Variants in CFAP47 observed in about 807,000 individuals in gnomAD.
The protein encoded by CFAP47 is cilia- and flagella-associated protein 47.
CFAP47 carries 29 observed loss-of-function variants against 148.1 expected under a neutral mutation model. The ratio of observed to expected loss-of-function variants is 0.20; its 90% CI spans 0.15 to 0.27. The LOEUF is 0.27. Ranked by LOEUF, CFAP47 falls within the 10% of genes least tolerant of loss-of-function variation. The pLI is 1.00. For missense variants in CFAP47, 1,872 were observed against 1,697.5 expected (o/e 1.10, Z -1.81); for synonymous variants, 664 against 577.3 (o/e 1.15, Z -2.15).
chrX:36,227,982 C>T (rs782549678), intron 45 of CFAP47, among the ~76,000 whole-genome samples: 2 of 111,632 alleles, frequency 1.8e-5, no homozygotes, highest in South Asian at 3.7e-4. Flanking sequence ...TAGCTAGTAG[C>T]TTAAGGTAAA....
chrX:36,140,046 A>G (rs1939113312), intron 35 of CFAP47, among the ~76,000 whole-genome samples: 1 of 111,639 alleles, frequency 9.0e-6, no homozygotes, highest in Middle Eastern at 4.2e-3. Flanking sequence ...ATTCCCATAA[A>G]TTCAACAAAT....
At chrX:36,000,106 CTT>C (rs1423547485) in intron 19 of CFAP47, among the ~76,000 whole-genome samples, 175 bp from the exon 20 acceptor site, 1 of 110,704 alleles carries the variant, frequency 9.0e-6, no homozygotes, top group Admixed American at 9.7e-5. Flanking sequence ...GATTTATTAA[CTT>C]ATTACATGTA....
intron 50 of CFAP47, 102 bp from the exon 51 acceptor site, chrX:36,285,527 A>G (rs1556004401): frequency 7.1e-6 from 3 of 424,071 alleles, no homozygotes; most frequent in Non-Finnish European, 8.4e-6. Context: ...AGTCCATTAA[A>G]CAAAAAGGTT....
chrX:36,002,063 T>C (rs1569229347), intron 21 of CFAP47, among the ~76,000 whole-genome samples: 1 of 111,815 alleles, frequency 8.9e-6, no homozygotes, highest in African/African-American at 3.3e-5. Flanking sequence ...CTACCTGAAA[T>C]TGTCAAAGAC....
At chrX:35,990,751 G>T (rs1478909006) in intron 16 of CFAP47, among the ~76,000 whole-genome samples, 1 of 110,802 alleles carries the variant, frequency 9.0e-6, no homozygotes, top group Non-Finnish European at 1.9e-5. Context: ...TTTCTTAATA[G>T]AATTATCTTA....
chrX:36,270,549 G>GTATATATATATATATA (rs782687841), intron 49 of CFAP47, among the ~76,000 whole-genome samples: 130 of 95,489 alleles, frequency 1.4e-3, no homozygotes, highest in African/African-American at 4.9e-3. Flanking sequence ...TTTAAAATTT[G>GTATATATATATATATA]TATATATATA....
intron 29 of CFAP47, among the ~76,000 whole-genome samples, chrX:36,084,075 C>G (rs1262518948): frequency 9.0e-6 from 1 of 110,566 alleles, no homozygotes; most frequent in Non-Finnish European, 1.9e-5. Flanking sequence ...TTAGACTCAT[C>G]CATTGATTTC....
At chrX:36,133,595 T>C (rs1938987630) in intron 33 of CFAP47, among the ~76,000 whole-genome samples, 1 of 110,140 alleles carries the variant, frequency 9.1e-6, no homozygotes, top group Non-Finnish European at 1.9e-5. Context: ...AAGCCAGAGC[T>C]CTCATGATCT....
intron 35 of CFAP47, among the ~76,000 whole-genome samples, chrX:36,141,059 A>AT (rs34667862): frequency 0.15 from 13,953 of 91,786 alleles, 1,056 homozygotes; most frequent in South Asian, 0.26. Context: ...TTGTCCTTAA[A>AT]TTTTTTTTTT....
At chrX:36,311,108 A>G (rs900993435) in intron 56 of CFAP47, 119 bp downstream of exon 56, 22 of 439,179 alleles carry the variant, frequency 5.0e-5, no homozygotes, top group Non-Finnish European at 1.1e-5. Context: ...AAAGAAAATT[A>G]TCTTATAAAA....
chrX:36,002,778 C>T (rs1465148222), intron 21 of CFAP47, among the ~76,000 whole-genome samples: 1 of 111,039 alleles, frequency 9.0e-6, no homozygotes, highest in Non-Finnish European at 1.9e-5. Context: ...AACTAATACA[C>T]AATAAAATTG....
At position 36,035,869 on chromosome X, in the gene CFAP47, C is replaced by T. The variant is rs1248035961; in HGVS notation, c.3811+15C>T. On this transcript the variant is annotated intron_variant, in intron 24 of 63. Coordinates refer to ENST00000378653, the MANE Select transcript of CFAP47 (RefSeq NM_001304548.2). ...TTTCTGTCCAAGTAAGATATTTTCT[C>T]CTATATTTGTAGTTATACTTTCAAT... 3.4e-6 allele frequency: 1 copy of T among 292,418 alleles called. No individual in the cohort carries two copies. The highest frequency in any genetic ancestry group is 6.0e-6 in the Non-Finnish European group (1 of 167,995). The allele number at this position is 292,418 out of a possible 1,213,427, so 24.1% of individuals were successfully genotyped here. A position where few individuals can be genotyped will look rare whatever the true frequency, so the allele number is the denominator to read the frequency against.
intron 30 of CFAP47, among the ~76,000 whole-genome samples, chrX:36,091,339 C>G (rs1938182087): frequency 9.0e-6 from 1 of 111,147 alleles, no homozygotes; most frequent in Admixed American, 9.6e-5. Context: ...TGACCACTTA[C>G]ACACTGAAAT....
At chrX:35,964,214 G>A (rs1277703575) in intron 8 of CFAP47, among the ~76,000 whole-genome samples, 3 of 111,160 alleles carry the variant, frequency 2.7e-5, no homozygotes, top group Non-Finnish European at 5.7e-5. Flanking sequence ...CTTCAGTTTT[G>A]AATGATAGTT....
Position 35,970,943 on chromosome X carries a change from A to G in CFAP47, c.1970+20A>G. 1 of 1,169,398 alleles carries G rather than the reference A, an allele frequency of 8.6e-7. No homozygotes were observed. Among genetic ancestry groups the G allele is most frequent in the Middle Eastern group, 2.4e-4 (1 of 4,228 alleles). Reference sequence around the variant, plus strand: ...AGAGAGGTAATGTTCAGTTCCTCAAAAAATATGCAACAGATCATGGTGTCT... The same window carrying G: ...AGAGAGGTAATGTTCAGTTCCTCAAGAAATATGCAACAGATCATGGTGTCT... On this transcript the variant is annotated intron_variant, in intron 11 of 63. Transcript: ENST00000378653.
At chrX:36,161,545 A>C (rs1939430260) in intron 39 of CFAP47, among the ~76,000 whole-genome samples, 1 of 111,615 alleles carries the variant, frequency 9.0e-6, no homozygotes, top group African/African-American at 3.3e-5. Context: ...AAGACAATAA[A>C]ATTTTCAAGT....
At chrX:36,168,072 T>C in intron 39 of CFAP47, among the ~76,000 whole-genome samples, 1 of 111,446 alleles carries the variant, frequency 9.0e-6, no homozygotes, top group Middle Eastern at 4.7e-3. Flanking sequence ...TTTAAATCTT[T>C]TTAATCCCAA....
chrX:36,118,056 T>C (rs1473092259), intron 33 of CFAP47, among the ~76,000 whole-genome samples: 2 of 111,723 alleles, frequency 1.8e-5, no homozygotes, highest in African/African-American at 3.3e-5. Context: ...ACTGTAGATA[T>C]GTGGATTTGT....
At chrX:36,338,739 G>A (rs1303913311) in intron 57 of CFAP47, among the ~76,000 whole-genome samples, 1 of 111,550 alleles carries the variant, frequency 9.0e-6, no homozygotes, top group African/African-American at 3.3e-5. Context: ...GTTCTAAATT[G>A]ATAGCCTCAG....
Sources: gnomAD v4.1 joint callset for allele counts (sites outside exome capture counted in the v4.1 genomes callset) on GRCh38, gnomAD v4.1.1 for gene constraint, MANE v1.5 for transcripts, NCBI Gene and HGNC (gene_info 2026-07-23, HGNC 2026-07-21) for gene names.